The following IFT57 variants were observed in gnomAD, a reference collection of about 807,000 sequenced individuals.
IFT57 encodes the protein intraflagellar transport protein 57 homolog.
In IFT57, 59 loss-of-function variants were observed where a neutral mutation model predicts 56.8. The ratio of observed to expected loss-of-function variants is 1.04; its 90% CI spans 0.84 to 1.29. IFT57 has a LOEUF of 1.29. Ranked by LOEUF, IFT57 falls within the 50% of genes most tolerant of loss-of-function variation. The probability of loss-of-function intolerance (pLI) is 0.00; values close to 1 mark genes in which losing one functional copy is unlikely to be tolerated. For missense variants in IFT57, 470 were observed against 522.1 expected, an observed-to-expected ratio of 0.90 and a Z score of 0.97; for synonymous variants, 209 against 186.1, an observed-to-expected ratio of 1.12 and a Z score of -1.00.
In IFT57 at chr3:108,162,642, C is replaced by T. The variant is rs757039935; in HGVS notation, c.1125G>A (p.Lys375=). The part of the protein sequence containing the change: ...SSMTDGAPLV[K]IKQSLTKLKQ... ...TCAGTTTTGTTAAGCTCTGTTTAAT[C>T]TTCACCAAAGGAGCTGCAGAATGAA... Residue 375 remains lysine, a synonymous_variant, in exon 11 of 11, where the codon AAG becomes AAA. Coordinates refer to ENST00000264538, the MANE Select transcript of IFT57 (RefSeq NM_018010.4). 6.2e-7 allele frequency: 1 copy of T among 1,602,046 alleles called. No individual in the cohort carries two copies.
intron 4 of IFT57, among the ~76,000 whole-genome samples, chr3:108,211,735 T>C (rs1265628848): frequency 6.6e-6 from 1 of 152,208 alleles, no homozygotes; most frequent in African/African-American, 2.4e-5. Context: ...TTTTTTTACA[T>C]ATATTAAATA....
Position 108,213,986 on chromosome 3 carries a change from C to T in IFT57, c.530G>A (p.Ser177Asn), listed in dbSNP as rs751839124. ...IYPVEELEEE[S>N]VAEDDAELTL... ...TAATTCTGCATCATCTTCTGCAACG[C>T]TTTCTTCTTCTAATTCTTCTACTGG... Residue 177 changes from serine to asparagine, a missense_variant, in exon 4 of 11, where the codon AGC becomes AAC. By Grantham distance (46) the Ser-to-Asn change is conservative. Transcript: ENST00000264538. The T allele has an allele frequency of 9.8e-5, 158 of 1,608,264 alleles. No homozygotes were observed. The highest frequency in any genetic ancestry group is 1.2e-4 in the Non-Finnish European group (140 of 1,175,220).
intron 3 of IFT57, among the ~76,000 whole-genome samples, chr3:108,217,893 A>G (rs552570176): frequency 6.6e-6 from 1 of 152,118 alleles, no homozygotes; most frequent in African/African-American, 2.4e-5. Context: ...CTCAATATCT[A>G]TTAAACATCT....
At chr3:108,185,495 G>GA (rs981881005) in intron 6 of IFT57, among the ~76,000 whole-genome samples, 1 of 144,420 alleles carries the variant, frequency 6.9e-6, no homozygotes, top group African/African-American at 2.5e-5. Context: ...GCCCTGTTAT[G>GA]AAAAAAAGAA....
chr3:108,205,456 CAT>C (rs1415512666), intron 5 of IFT57, among the ~76,000 whole-genome samples: 1 of 151,788 alleles, frequency 6.6e-6, no homozygotes, highest in Non-Finnish European at 1.5e-5. Context: ...AACACAGACA[CAT>C]ATATGCATCA....
At chr3:108,191,794 T>C in intron 5 of IFT57, 151 bp from the exon 6 acceptor site, 1 of 499,014 alleles carries the variant, frequency 2.0e-6, no homozygotes, top group Non-Finnish European at 3.4e-6. Flanking sequence ...CTTCCTACAA[T>C]GTTGAAAGAA....
chr3:108,207,411 C>T (rs1289745), intron 4 of IFT57, among the ~76,000 whole-genome samples: 118,625 of 152,068 alleles, frequency 0.78, 47,268 homozygotes, highest in Non-Finnish European at 0.86. Flanking sequence ...CATGAGCTCC[C>T]CTTTTCTTCA....
At chr3:108,220,652 TAGGA>T (rs1190390533) in intron 1 of IFT57, among the ~76,000 whole-genome samples, 2 of 152,182 alleles carry the variant, frequency 1.3e-5, no homozygotes, top group Non-Finnish European at 2.9e-5. Flanking sequence ...ACTGTAAACC[TAGGA>T]CAGTGGTTCC....
chr3:108,181,962 A>G (rs1197496063), intron 6 of IFT57, among the ~76,000 whole-genome samples: 2 of 152,168 alleles, frequency 1.3e-5, no homozygotes, highest in African/African-American at 4.8e-5. Flanking sequence ...CCATTATTCA[A>G]ATAACAGGCA....
intron 6 of IFT57, among the ~76,000 whole-genome samples, chr3:108,175,298 T>C (rs1358679017): frequency 6.6e-6 from 1 of 151,760 alleles, no homozygotes; most frequent in Non-Finnish European, 1.5e-5. Flanking sequence ...TACTACAGTA[T>C]ATCATTTCTT....
chr3:108,207,298 T>A (rs1289746), intron 4 of IFT57, among the ~76,000 whole-genome samples: 118,619 of 152,054 alleles, frequency 0.78, 47,268 homozygotes, highest in Non-Finnish European at 0.86. Flanking sequence ...ACCAATTGGA[T>A]GTAGAGGGCA....
chr3:108,201,411 C>G (rs367918632), intron 5 of IFT57, among the ~76,000 whole-genome samples: 7 of 152,314 alleles, frequency 4.6e-5, no homozygotes, highest in African/African-American at 1.2e-4. Flanking sequence ...GAGCTTTTTT[C>G]TCTAGCCCAC....
chr3:108,192,477 CT>C (rs1259894225), intron 5 of IFT57, among the ~76,000 whole-genome samples: 6 of 152,008 alleles, frequency 3.9e-5, no homozygotes, highest in Admixed American at 1.3e-4. Context: ...AAGGCCTACT[CT>C]TTTCTTTTTT....
chr3:108,217,600 TA>T (rs1450129441), intron 3 of IFT57, among the ~76,000 whole-genome samples: 1 of 151,884 alleles, frequency 6.6e-6, no homozygotes, highest in East Asian at 1.9e-4. Context: ...AGGAAGTTAT[TA>T]AACTTAATAG....
intron 5 of IFT57, among the ~76,000 whole-genome samples, chr3:108,205,814 A>G (rs1049205543): frequency 3.9e-5 from 5 of 127,858 alleles, no homozygotes; most frequent in East Asian, 2.0e-4. Context: ...ATTATAGCAT[A>G]TTATATATTA....
At chr3:108,175,743 A>G (rs984509724) in intron 6 of IFT57, among the ~76,000 whole-genome samples, 4 of 151,792 alleles carry the variant, frequency 2.6e-5, no homozygotes, top group Non-Finnish European at 1.5e-5. Context: ...TGGTAAATGG[A>G]ATTTACATCT....
Position 108,222,374 on chromosome 3 carries a change from C to G in IFT57, c.-52G>C. 6.6e-7 allele frequency: 1 copy of G among 1,514,926 alleles called. No homozygotes were observed. The highest frequency in any genetic ancestry group is 8.8e-7 in the Non-Finnish European group (1 of 1,132,178). 93.8% of individuals were successfully genotyped at this position (1,514,926 alleles called of 1,614,324 possible). On this transcript the variant is annotated 5_prime_UTR_variant, in exon 1 of 11. Coordinates refer to ENST00000264538, the MANE Select transcript of IFT57 (RefSeq NM_018010.4). ...GCTCAGGCCCACAGACCTCTGCGGC[C>G]TAAGCCGCCAGCCCTGCCGCCGCCA...
In IFT57 at chr3:108,167,691, T is replaced by A. The variant is rs546828239; in HGVS notation, c.849+102A>T. ...CGGTACATTCAATTAGTAAGTTCCT[T>A]AAAGGCAAAAATTGTGTCTTTTTAT... On this transcript the variant is annotated intron_variant, in intron 7 of 10. Coordinates refer to ENST00000264538, the MANE Select transcript of IFT57 (RefSeq NM_018010.4). 1.6e-3 allele frequency: 1,214 copies of A among 740,740 alleles called. 5 individuals carry two copies. The highest frequency in any genetic ancestry group is 2.1e-3 in the Admixed American group (71 of 33,816). 45.9% of individuals were successfully genotyped at this position (740,740 alleles called of 1,614,324 possible).
chr3:108,217,852 G>A (rs2080381408), intron 3 of IFT57, among the ~76,000 whole-genome samples: 2 of 151,630 alleles, frequency 1.3e-5, no homozygotes, highest in African/African-American at 4.8e-5. Flanking sequence ...TCTATAAATT[G>A]AGTTTCCAAA....
Sources: allele counts gnomAD v4.1 joint callset (sites outside exome capture counted in the v4.1 genomes callset), GRCh38; gene constraint gnomAD v4.1.1; transcripts MANE v1.5; gene names NCBI Gene and HGNC (gene_info 2026-07-23, HGNC 2026-07-21).